The following UBE2D2 variants were observed in gnomAD, a reference collection of about 807,000 sequenced individuals.
UBE2D2 encodes ubiquitin-conjugating enzyme E2 D2.
Under a neutral mutation model 24.2 loss-of-function variants are expected in UBE2D2, and 2 were observed. The ratio of observed to expected loss-of-function variants is 0.08; its 90% CI spans 0.03 to 0.26. The LOEUF is 0.26. Ranked by LOEUF, UBE2D2 falls within the 10% of genes least tolerant of loss-of-function variation. UBE2D2 has a pLI of 1.00. For synonymous variants in UBE2D2, 58 were observed against 56.5 expected (o/e 1.03, Z -0.12); for missense variants, 44 against 177.6 (o/e 0.25, Z 4.28).
At chr5:139,583,369 G>A (rs1753647954) in intron 1 of UBE2D2, among the ~76,000 whole-genome samples, 2 of 152,124 alleles carry the variant, frequency 1.3e-5, no homozygotes. Flanking sequence ...AAGTATGTGA[G>A]GTAATACATA....
intron 1 of UBE2D2, chr5:139,562,058 C>G: frequency 1.2e-6 from 1 of 830,388 alleles, no homozygotes; most frequent in Non-Finnish European, 1.8e-6. Flanking sequence ...CCTTCCAGGC[C>G]CGCATGGTGT....
intron 2 of UBE2D2, among the ~76,000 whole-genome samples, chr5:139,605,551 C>A (rs1754178495): frequency 7.3e-6 from 1 of 137,344 alleles, no homozygotes; most frequent in African/African-American, 2.7e-5. Flanking sequence ...AAGATCACGC[C>A]ACTGCACTCC....
intron 1 of UBE2D2, among the ~76,000 whole-genome samples, chr5:139,593,810 CT>C: frequency 6.6e-6 from 1 of 152,166 alleles, no homozygotes; most frequent in East Asian, 1.9e-4. Flanking sequence ...GAGATAGAGT[CT>C]TACTGTGTTG....
chr5:139,579,858 C>T (rs1753556060), intron 1 of UBE2D2, among the ~76,000 whole-genome samples: 3 of 151,790 alleles, frequency 2.0e-5, no homozygotes, highest in Non-Finnish European at 2.9e-5. Flanking sequence ...CCAGCCTGGC[C>T]AACATGGTGA....
intron 1 of UBE2D2, among the ~76,000 whole-genome samples, chr5:139,573,755 G>A (rs1185882389): frequency 2.0e-5 from 3 of 152,018 alleles, no homozygotes; most frequent in Non-Finnish European, 4.4e-5. Context: ...GAATCACGAG[G>A]TCAAGAGATC....
upstream of UBE2D2, among the ~76,000 whole-genome samples, chr5:139,559,622 T>G (rs1265987804): frequency 1.3e-5 from 2 of 152,152 alleles, no homozygotes; most frequent in African/African-American, 2.4e-5. Context: ...ACCTTCTCAG[T>G]AGGTGAGGCA....
chr5:139,601,506 G>A (rs887135889), intron 2 of UBE2D2, among the ~76,000 whole-genome samples: 2 of 152,190 alleles, frequency 1.3e-5, no homozygotes, highest in African/African-American at 4.8e-5. Flanking sequence ...TACTTGGAAG[G>A]CTAAGGTGGG....
intron 1 of UBE2D2, chr5:139,562,337 G>C (rs779705976): frequency 7.4e-7 from 1 of 1,344,728 alleles, no homozygotes; most frequent in Non-Finnish European, 9.8e-7. Flanking sequence ...CTCTTGGGTG[G>C]CAGCACACAT....
upstream of UBE2D2, chr5:139,561,154 T>A (rs561268713): frequency 1.3e-5 from 2 of 152,726 alleles, no homozygotes; most frequent in South Asian, 4.1e-4. Flanking sequence ...TCTCGCGAGA[T>A]CTCCGCCCAG....
upstream of UBE2D2, among the ~76,000 whole-genome samples, chr5:139,556,488 G>A (rs1233189550): frequency 2.0e-5 from 3 of 151,800 alleles, no homozygotes; most frequent in African/African-American, 4.8e-5. Context: ...AATAACAGAA[G>A]AAATCAATAA....
chr5:139,578,869 T>C (rs1179487860), intron 1 of UBE2D2, among the ~76,000 whole-genome samples: 1 of 152,362 alleles, frequency 6.6e-6, no homozygotes, highest in East Asian at 1.9e-4. Flanking sequence ...GATGTACCAT[T>C]ATTCTACTAA....
At chr5:139,598,895 C>T (rs1581520052) in intron 1 of UBE2D2, among the ~76,000 whole-genome samples, 1 of 140,014 alleles carries the variant, frequency 7.1e-6, no homozygotes, top group Non-Finnish European at 1.6e-5. Context: ...TTTATTACTT[C>T]AGTCAGCCTT....
At chr5:139,604,638 TACTGGGGAGACTGAG>T (rs1754157648) in intron 2 of UBE2D2, among the ~76,000 whole-genome samples, 1 of 152,012 alleles carries the variant, frequency 6.6e-6, no homozygotes, top group South Asian at 2.1e-4. Flanking sequence ...TAATCCCAGC[TACTGGGGAGACTGAG>T]ACTGGAGGAT....
chr5:139,552,675 ATTTTTT>A (rs35039276), intron 1 of UBE2D2, among the ~76,000 whole-genome samples: 1 of 59,344 alleles, frequency 1.7e-5, no homozygotes, highest in Non-Finnish European at 3.3e-5. Flanking sequence ...CGCTTGGCTA[ATTTTTT>A]TTTTTTTTTT....
intron 1 of UBE2D2, among the ~76,000 whole-genome samples, chr5:139,550,605 C>T (rs941373244): frequency 6.6e-6 from 1 of 152,058 alleles, no homozygotes; most frequent in Non-Finnish European, 1.5e-5. Context: ...TTTGAGATAA[C>T]TTGCTGCTGC....
chr5:139,549,183 A>G (rs1202182089), intron 1 of UBE2D2, among the ~76,000 whole-genome samples: 1 of 152,092 alleles, frequency 6.6e-6, no homozygotes, highest in African/African-American at 2.4e-5. Context: ...AGAGGTGACA[A>G]CGTGCTAGCA....
chr5:139,600,206 A>G, intron 1 of UBE2D2, 166 bp from the exon 2 acceptor site: 1 of 801,358 alleles, frequency 1.2e-6, no homozygotes, highest in Non-Finnish European at 2.1e-6. Flanking sequence ...TGAAGAATCC[A>G]AAATACCTTA....
chr5:139,533,122 AT>A (rs1302612445), intron 1 of UBE2D2, among the ~76,000 whole-genome samples: 7 of 151,642 alleles, frequency 4.6e-5, no homozygotes, highest in South Asian at 2.1e-4. Context: ...AAAAAAAAAA[AT>A]ATATGGACCT....
At chr5:139,614,223 C>T (rs192234166) in intron 2 of UBE2D2, among the ~76,000 whole-genome samples, 4 of 152,130 alleles carry the variant, frequency 2.6e-5, no homozygotes, top group Admixed American at 2.0e-4. Flanking sequence ...CAAATACTTT[C>T]GGTTTTTTTT....
Sources: allele counts gnomAD v4.1 joint callset (sites outside exome capture counted in the v4.1 genomes callset), GRCh38; gene constraint gnomAD v4.1.1; transcripts MANE v1.5; gene names NCBI Gene and HGNC (gene_info 2026-07-23, HGNC 2026-07-21).